Variants in MON2 observed in about 807,000 individuals in gnomAD.
MON2 encodes MON2 regulator of endosome-to-Golgi trafficking.
In MON2, 84 loss-of-function variants were observed where a neutral mutation model predicts 208.6. That is an observed-to-expected ratio of 0.40 (90% CI 0.34 to 0.48). MON2 has a LOEUF of 0.48. Among genes scored for constraint, MON2 ranks in the 20% least tolerant of loss-of-function variants. The pLI, the probability that MON2 is intolerant of heterozygous loss-of-function variation, is 0.59. For missense variants in MON2, 1,611 were observed against 2,015.4 expected (o/e 0.80, Z 3.84); for synonymous variants, 660 against 694.0 (o/e 0.95, Z 0.77).
intron 10 of MON2, 32 bp downstream of exon 10, chr12:62,525,252 A>T (rs199881524): frequency 2.5e-6 from 4 of 1,607,902 alleles, no homozygotes; most frequent in Non-Finnish European, 3.4e-6. Flanking sequence ...TGTTTCTTAT[A>T]TTCTGCCGTA....
chr12:62,512,638 G>T (rs1295659014), intron 8 of MON2, among the ~76,000 whole-genome samples: 1 of 152,170 alleles, frequency 6.6e-6, no homozygotes, highest in Non-Finnish European at 1.5e-5. Flanking sequence ...CAGGTGCATG[G>T]TGCAAGCTGT....
intron 29 of MON2, among the ~76,000 whole-genome samples, chr12:62,570,722 C>CTTTTTTTTTTT (rs1192680038): frequency 3.1e-4 from 22 of 70,866 alleles, no homozygotes; most frequent in Non-Finnish European, 3.9e-4. Context: ...TTTTCTTTTT[C>CTTTTTTTTTTT]TTTTTTTTTT....
chr12:62,484,337 T>C, intron 2 of MON2, 104 bp downstream of exon 2: 1 of 708,760 alleles, frequency 1.4e-6, no homozygotes, highest in Non-Finnish European at 2.4e-6. Flanking sequence ...CATCTCTTCC[T>C]CATGCCCTAA....
At chr12:62,477,199 A>G (rs1166476982) in intron 1 of MON2, among the ~76,000 whole-genome samples, 2 of 152,160 alleles carry the variant, frequency 1.3e-5, no homozygotes, top group African/African-American at 4.8e-5. Flanking sequence ...TCTCAAAAAC[A>G]AAACCAAGCA....
At position 62,593,433 on chromosome 12, in the gene MON2, T is replaced by C. The variant is rs2075455848; in HGVS notation, c.*684T>C. 1 of 152,558 alleles carries C rather than the reference T, an allele frequency of 6.6e-6. No individual in the cohort carries two copies. Among genetic ancestry groups the C allele is most frequent in the African/African-American group, 2.4e-5 (1 of 41,462 alleles). 9.5% of individuals were successfully genotyped at this position (152,558 alleles called of 1,614,324 possible). On this transcript the variant is annotated 3_prime_UTR_variant, in exon 35 of 35. Transcript: ENST00000393630. ...CCATATGATCATGCAGTTAGCTTCATGCTTATTTTAAATGTATTATTAGTG... is the reference window on the plus strand; with the variant it reads ...CCATATGATCATGCAGTTAGCTTCACGCTTATTTTAAATGTATTATTAGTG...
chr12:62,521,305 G>A (rs372873017), intron 8 of MON2, among the ~76,000 whole-genome samples: 14 of 152,122 alleles, frequency 9.2e-5, no homozygotes, highest in Admixed American at 2.0e-4. Flanking sequence ...CACCTTGCCC[G>A]GCCCGTTTAT....
At chr12:62,474,719 C>T (rs10735908) in intron 1 of MON2, among the ~76,000 whole-genome samples, 56,179 of 151,846 alleles carry the variant, frequency 0.37, 10,586 homozygotes, top group African/African-American at 0.43. Context: ...CCATCGCGGC[C>T]AGCCAGATAG....
chr12:62,520,701 G>C (rs934513228), intron 8 of MON2, among the ~76,000 whole-genome samples: 1 of 151,718 alleles, frequency 6.6e-6, no homozygotes, highest in Admixed American at 6.6e-5. Context: ...TTAGGAGACC[G>C]ATCACCTGAG....
rs140665564 is a variant in MON2, at chr12:62,542,100, T to C, written c.2365-997T>C. Among the ~76,000 whole-genome samples the C allele has an allele frequency of 5.9e-5, 9 of 152,308 alleles. No homozygotes were observed. In the East Asian group the frequency reaches 1.4e-3, roughly 23 times the overall value. ...AGACATCATCTTAACTACTATACCATATTCTCCCTAGAATCATGAATTTTC... is the reference window on the plus strand; with the variant it reads ...AGACATCATCTTAACTACTATACCACATTCTCCCTAGAATCATGAATTTTC... On this transcript the variant is annotated intron_variant, in intron 19 of 34. Coordinates refer to ENST00000393630, the MANE Select transcript of MON2 (RefSeq NM_015026.3).
At chr12:62,510,343 A>T (rs1219515367) in intron 8 of MON2, among the ~76,000 whole-genome samples, 1 of 152,128 alleles carries the variant, frequency 6.6e-6, no homozygotes, top group Non-Finnish European at 1.5e-5. Context: ...GGAAAAAAAA[A>T]CAGATCAAGC....
chr12:62,579,072 C>CAA (rs879352660), intron 31 of MON2, among the ~76,000 whole-genome samples: 1 of 137,968 alleles, frequency 7.2e-6, no homozygotes, highest in African/African-American at 2.6e-5. Context: ...ACCATCTCTA[C>CAA]AAAAAAAAAA....
chr12:62,555,353 GT>G (rs141628000), intron 24 of MON2, among the ~76,000 whole-genome samples: 24 of 147,314 alleles, frequency 1.6e-4, no homozygotes, highest in African/African-American at 4.2e-4. Flanking sequence ...CTAATTTTGG[GT>G]TTTTTTTTTG....
In MON2 at chr12:62,538,459, G is replaced by C. The variant is rs2073082502; in HGVS notation, c.2318G>C (p.Cys773Ser). 2 of 1,611,718 alleles carry C rather than the reference G, an allele frequency of 1.2e-6. No individual in the cohort carries two copies. Among genetic ancestry groups the C allele is most frequent in the African/African-American group, 1.3e-5 (1 of 74,952 alleles). The change falls in exon 19 of 35, where the codon TGC (cysteine) becomes TCC (serine). Residue 773 changes from cysteine (C) to serine (S), a missense_variant. Cys to Ser is a moderately radical substitution (Grantham distance 112). Coordinates refer to ENST00000393630, the MANE Select transcript of MON2 (RefSeq NM_015026.3). ...CTGCATCATTTAATAAATGCACTTT[G>C]CTCCTTGTCTCTAGAAGCAATGGAT... ...VSLHHLINAL[C>S]SLSLEAMDMA... is the part of the protein sequence containing the mutation.
intron 1 of MON2, among the ~76,000 whole-genome samples, chr12:62,476,514 AAC>A (rs1028185825): frequency 1.9e-4 from 29 of 151,498 alleles, no homozygotes; most frequent in Admixed American, 7.2e-4. Flanking sequence ...GGCTTACTGC[AAC>A]CTATGCCTCC....
At chr12:62,551,068 C>T (rs972585011) in intron 23 of MON2, among the ~76,000 whole-genome samples, 5 of 151,832 alleles carry the variant, frequency 3.3e-5, no homozygotes, top group South Asian at 2.1e-4. Flanking sequence ...TATAGGCGCC[C>T]GCCATGATGT....
At chr12:62,514,566 C>T (rs2071590124) in intron 8 of MON2, among the ~76,000 whole-genome samples, 1 of 152,160 alleles carries the variant, frequency 6.6e-6, no homozygotes, top group Non-Finnish European at 1.5e-5. Context: ...GATTTATTCA[C>T]TATCATGATA....
intron 8 of MON2, among the ~76,000 whole-genome samples, chr12:62,523,150 GAT>G (rs2072149748): frequency 6.6e-6 from 1 of 152,162 alleles, no homozygotes. Flanking sequence ...CCCTCCAGTA[GAT>G]AGAGCTGTTG....
chr12:62,570,722 C>CTTTTTTTTTTTTTT (rs1192680038), intron 29 of MON2, among the ~76,000 whole-genome samples: 3 of 70,858 alleles, frequency 4.2e-5, no homozygotes, highest in African/African-American at 5.9e-5. Flanking sequence ...TTTTCTTTTT[C>CTTTTTTTTTTTTTT]TTTTTTTTTT....
rs2073815862 is a variant in MON2, at chr12:62,553,012, G to A, written c.3048G>A (p.Pro1016=). The A allele has an allele frequency of 3.1e-6, 5 of 1,614,142 alleles. No individual in the cohort carries two copies. Among genetic ancestry groups the A allele is most frequent in the Middle Eastern group, 1.6e-4 (1 of 6,062 alleles). Residue 1016 remains proline (P), a synonymous_variant, in exon 24 of 35, where the codon CCG becomes CCA. Coordinates refer to ENST00000393630, the MANE Select transcript of MON2 (RefSeq NM_015026.3). ...VVLNRPFHPA[P]PFDCLWLCLY... is the part of the protein sequence containing the mutation. ...TAAATCGGCCATTCCACCCTGCACC[G>A]CCATTTGATTGCTTGTGGTTATGTC...
Sources: gnomAD v4.1 joint callset for allele counts (sites outside exome capture counted in the v4.1 genomes callset) on GRCh38, gnomAD v4.1.1 for gene constraint, MANE v1.5 for transcripts, NCBI Gene and HGNC (gene_info 2026-07-23, HGNC 2026-07-21) for gene names.